The following ENTREP2 variants were observed in gnomAD, a reference collection of about 807,000 sequenced individuals.
ENTREP2 encodes protein ENTREP2.
the ENTREP2 span, among the ~76,000 whole-genome samples, chr15:29,408,842 TATATTTG>T: frequency 4.8e-3 from 734 of 152,342 alleles, 5 homozygotes; most frequent in African/African-American, 0.016. Context: ...ACAATTTTAC[TATATTTG>T]CTTCATCTCT....
the ENTREP2 span, among the ~76,000 whole-genome samples, chr15:29,372,575 T>TA: frequency 6.6e-6 from 1 of 152,140 alleles, no homozygotes; most frequent in Non-Finnish European, 1.5e-5. Context: ...TCTCTAAATA[T>TA]TATAGATATT....
the ENTREP2 span, among the ~76,000 whole-genome samples, chr15:29,411,080 G>A: frequency 6.6e-6 from 1 of 152,130 alleles, no homozygotes; most frequent in South Asian, 2.1e-4. Context: ...ACTGCGCCTG[G>A]CCTATATAAT....
the ENTREP2 span, among the ~76,000 whole-genome samples, chr15:29,390,521 G>C: frequency 6.6e-6 from 1 of 152,138 alleles, no homozygotes; most frequent in Non-Finnish European, 1.5e-5. Flanking sequence ...ACGCCAACTC[G>C]CTCTTTTCTC....
chr15:29,512,367 A>C, the ENTREP2 span, among the ~76,000 whole-genome samples: 1 of 152,212 alleles, frequency 6.6e-6, no homozygotes, highest in Admixed American at 6.5e-5. Flanking sequence ...TTTCAGCTTA[A>C]GTGAGGATAC....
At chr15:29,428,118 G>T in the ENTREP2 span, among the ~76,000 whole-genome samples, 1 of 152,148 alleles carries the variant, frequency 6.6e-6, no homozygotes, top group African/African-American at 2.4e-5. Context: ...AGAATCATTG[G>T]GGAAAAATAC....
chr15:29,459,126 G>A, the ENTREP2 span, among the ~76,000 whole-genome samples: 1 of 152,200 alleles, frequency 6.6e-6, no homozygotes, highest in Non-Finnish European at 1.5e-5. Flanking sequence ...GTCCCAAGAA[G>A]CTAAGATTTC....
chr15:29,662,211 CAAAAAAAAAAAA>C, the ENTREP2 span, among the ~76,000 whole-genome samples: 1 of 46,948 alleles, frequency 2.1e-5, no homozygotes, highest in African/African-American at 6.7e-5. Context: ...AACCCTGTCG[CAAAAAAAAAAAA>C]AAAAAAAAAA....
At chr15:29,316,576 G>A in the ENTREP2 span, among the ~76,000 whole-genome samples, 1 of 152,158 alleles carries the variant, frequency 6.6e-6, no homozygotes, top group Admixed American at 6.5e-5. Flanking sequence ...TGATGTCTCA[G>A]GCTTGCTTTC....
At chr15:29,444,170 CAAAGAAAGAAAGAAAG>C in the ENTREP2 span, among the ~76,000 whole-genome samples, 6,857 of 70,666 alleles carry the variant, frequency 0.097, 373 homozygotes, top group South Asian at 0.12. Flanking sequence ...GAAAGACAGA[CAAAGAAAGAAAGAAAG>C]AAAGAAAGAA....
the ENTREP2 span, among the ~76,000 whole-genome samples, chr15:29,157,234 T>G: frequency 1.3e-5 from 2 of 152,162 alleles, no homozygotes; most frequent in African/African-American, 2.4e-5. Context: ...AGATCAGAAC[T>G]GGAGGTGTGG....
the ENTREP2 span, among the ~76,000 whole-genome samples, chr15:29,387,067 G>A: frequency 6.6e-6 from 1 of 152,150 alleles, no homozygotes; most frequent in Non-Finnish European, 1.5e-5. Context: ...GGGCATCCCT[G>A]TCTTGTGCCA....
chr15:29,167,016 G>C, the ENTREP2 span, among the ~76,000 whole-genome samples: 1 of 151,904 alleles, frequency 6.6e-6, no homozygotes, highest in Non-Finnish European at 1.5e-5. Context: ...AATAAACCAA[G>C]TACTTAAAGC....
At chr15:29,333,400 A>G in the ENTREP2 span, among the ~76,000 whole-genome samples, 1 of 152,170 alleles carries the variant, frequency 6.6e-6, no homozygotes, top group Non-Finnish European at 1.5e-5. Flanking sequence ...CAGCCTGGCC[A>G]GCAGTCCAGA....
chr15:29,338,475 T>C, the ENTREP2 span, among the ~76,000 whole-genome samples: 2 of 150,126 alleles, frequency 1.3e-5, no homozygotes, highest in African/African-American at 4.9e-5. Context: ...CAGGCACAGA[T>C]GGCCACGTGG....
the ENTREP2 span, among the ~76,000 whole-genome samples, chr15:29,415,716 G>C: frequency 4.6e-5 from 7 of 152,164 alleles, no homozygotes; most frequent in Non-Finnish European, 1.0e-4. Flanking sequence ...AATTGTCCCT[G>C]TTTGCAGATG....
the ENTREP2 span, among the ~76,000 whole-genome samples, chr15:29,226,548 A>T: frequency 1.3e-5 from 2 of 152,188 alleles, no homozygotes; most frequent in Non-Finnish European, 2.9e-5. Context: ...CAACAATGGG[A>T]ACAGAGATGA....
At chr15:29,124,755 G>A in the ENTREP2 span, 1 of 1,550,494 alleles carries the variant, frequency 6.4e-7, no homozygotes, top group South Asian at 1.2e-5. Flanking sequence ...GTGTGAAGAG[G>A]CATCGCCTTA....
the ENTREP2 span, among the ~76,000 whole-genome samples, chr15:29,598,735 C>T: frequency 9.2e-5 from 14 of 151,996 alleles, no homozygotes; most frequent in African/African-American, 2.7e-4. Context: ...CTCGCTTTGT[C>T]GCCCAGGCTG....
At chr15:29,140,734 C>A in the ENTREP2 span, among the ~76,000 whole-genome samples, 17 of 152,212 alleles carry the variant, frequency 1.1e-4, no homozygotes, top group Admixed American at 5.2e-4. Context: ...AAGCTCCAGG[C>A]TCTGCAGCCT....
Sources: allele counts gnomAD v4.1 joint callset (sites outside exome capture counted in the v4.1 genomes callset), GRCh38; gene constraint gnomAD v4.1.1; transcripts MANE v1.5; gene names NCBI Gene and HGNC (gene_info 2026-07-23, HGNC 2026-07-21).